Variants in BICD1 observed in about 807,000 individuals in gnomAD.
BICD1 encodes BICD cargo adaptor 1.
A neutral mutation model predicts 92.5 loss-of-function variants in BICD1; 35 were observed. The ratio of observed to expected loss-of-function variants is 0.38; its 90% CI spans 0.29 to 0.50. The LOEUF is 0.50. Among genes scored for constraint, BICD1 ranks in the 20% least tolerant of loss-of-function variants. The pLI is 0.93. For synonymous variants in BICD1, 429 were observed against 465.1 expected, an observed-to-expected ratio of 0.92 and a Z score of 1.00; for missense variants, 950 against 1,189.8, an observed-to-expected ratio of 0.80 and a Z score of 2.97.
At chr12:32,239,565 G>A (rs192519892) in intron 2 of BICD1, among the ~76,000 whole-genome samples, 2 of 150,070 alleles carry the variant, frequency 1.3e-5, no homozygotes, top group East Asian at 4.0e-4. Context: ...GTGCGATCTC[G>A]GCTCACGATC....
intron 1 of BICD1, among the ~76,000 whole-genome samples, chr12:32,154,908 T>C (rs573238394): frequency 2.6e-4 from 39 of 152,312 alleles, no homozygotes; most frequent in Admixed American, 9.1e-4. Flanking sequence ...CTGTATCCAA[T>C]TAAAATGATC....
chr12:32,197,161 A>G (rs1388219296), intron 1 of BICD1, among the ~76,000 whole-genome samples: 1 of 151,940 alleles, frequency 6.6e-6, no homozygotes, highest in Non-Finnish European at 1.5e-5. Context: ...GGCATACTTC[A>G]CCATGCCCAA....
chr12:32,363,420 T>C (rs970157619), intron 8 of BICD1, among the ~76,000 whole-genome samples: 1 of 152,224 alleles, frequency 6.6e-6, no homozygotes, highest in Non-Finnish European at 1.5e-5. Flanking sequence ...GAGTATGCTA[T>C]GACATTTCCC....
intron 2 of BICD1, among the ~76,000 whole-genome samples, chr12:32,248,807 G>T (rs981515034): frequency 1.3e-5 from 2 of 152,144 alleles, no homozygotes; most frequent in Admixed American, 1.3e-4. Flanking sequence ...AGCAAAGAGG[G>T]GGGTCTGGAA....
intron 4 of BICD1, among the ~76,000 whole-genome samples, chr12:32,316,293 T>A (rs1592661671): frequency 6.6e-6 from 1 of 151,272 alleles, no homozygotes; most frequent in East Asian, 1.9e-4. Flanking sequence ...TTTCTTTTTT[T>A]TTTTCTTTTT....
At chr12:32,335,301 C>T (rs1938060795) in intron 6 of BICD1, among the ~76,000 whole-genome samples, 1 of 152,068 alleles carries the variant, frequency 6.6e-6, no homozygotes, top group Non-Finnish European at 1.5e-5. Flanking sequence ...CAGGCACCTG[C>T]CACCACGCCC....
intron 1 of BICD1, among the ~76,000 whole-genome samples, chr12:32,214,048 T>C (rs1437688778): frequency 1.3e-5 from 2 of 152,366 alleles, no homozygotes; most frequent in African/African-American, 2.4e-5. Flanking sequence ...TTTATTGATT[T>C]ATTATGTTAA....
intron 1 of BICD1, among the ~76,000 whole-genome samples, chr12:32,176,724 G>A (rs546013708): frequency 6.6e-6 from 1 of 152,260 alleles, no homozygotes; most frequent in Admixed American, 6.5e-5. Context: ...TTTCATCAGT[G>A]TTATTGTGTT....
intron 1 of BICD1, among the ~76,000 whole-genome samples, chr12:32,126,983 C>T (rs1942369133): frequency 6.6e-6 from 1 of 151,988 alleles, no homozygotes. Context: ...GCTCATTTAC[C>T]ATTGGATTGT....
At chr12:32,238,300 G>T (rs1282979500) in intron 2 of BICD1, among the ~76,000 whole-genome samples, 1 of 152,136 alleles carries the variant, frequency 6.6e-6, no homozygotes, top group Non-Finnish European at 1.5e-5. Flanking sequence ...GAAATAGCAA[G>T]AGAACTAGCA....
chr12:32,176,692 C>A (rs1335234215), intron 1 of BICD1, among the ~76,000 whole-genome samples: 1 of 152,174 alleles, frequency 6.6e-6, no homozygotes, highest in African/African-American at 2.4e-5. Context: ...TGTCTTCTTT[C>A]ACTCATCGTA....
intron 1 of BICD1, chr12:32,108,947 T>A: frequency 2.7e-6 from 1 of 368,516 alleles, no homozygotes; most frequent in Non-Finnish European, 4.9e-6. Flanking sequence ...TGCTAAACCT[T>A]GTGAAGTGAG....
chr12:32,303,367 G>C (rs1251844053), intron 3 of BICD1, among the ~76,000 whole-genome samples: 2 of 152,184 alleles, frequency 1.3e-5, no homozygotes, highest in Non-Finnish European at 2.9e-5. Context: ...TTTATGAGTT[G>C]CATCCTATTA....
At chr12:32,116,476 C>G (rs927623311) in intron 1 of BICD1, among the ~76,000 whole-genome samples, 153 of 106,398 alleles carry the variant, frequency 1.4e-3, no homozygotes, top group Middle Eastern at 0.011. Flanking sequence ...CTCTCTCTCT[C>G]TCTCTCTCTC....
At chr12:32,319,506 G>C (rs1348587206) in intron 4 of BICD1, among the ~76,000 whole-genome samples, 1 of 152,116 alleles carries the variant, frequency 6.6e-6, no homozygotes, top group African/African-American at 2.4e-5. Flanking sequence ...ATATTCATAA[G>C]AGGTCTTGGT....
At chr12:32,174,032 T>C (rs890502488) in intron 1 of BICD1, among the ~76,000 whole-genome samples, 2 of 152,178 alleles carry the variant, frequency 1.3e-5, no homozygotes, top group South Asian at 2.1e-4. Flanking sequence ...ATGACAGAAA[T>C]GAAAAGCTGT....
chr12:32,261,677 C>T (rs1946863632), intron 2 of BICD1, among the ~76,000 whole-genome samples: 1 of 152,130 alleles, frequency 6.6e-6, no homozygotes, highest in Non-Finnish European at 1.5e-5. Context: ...GTGTTGTTTC[C>T]TGGAAGAGAT....
intron 1 of BICD1, among the ~76,000 whole-genome samples, chr12:32,170,267 T>A (rs142218684): frequency 1.3e-5 from 2 of 152,370 alleles, no homozygotes; most frequent in East Asian, 3.9e-4. Context: ...TTTTCTCTGT[T>A]CCTTACCTGT....
At chr12:32,237,604 T>A (rs12319221) in intron 2 of BICD1, among the ~76,000 whole-genome samples, 103 of 152,198 alleles carry the variant, frequency 6.8e-4, no homozygotes, top group Middle Eastern at 3.4e-3. Context: ...CATTGAACAT[T>A]CTAAAAATCC....
Sources: gnomAD v4.1 joint callset for allele counts (sites outside exome capture counted in the v4.1 genomes callset) on GRCh38, gnomAD v4.1.1 for gene constraint, MANE v1.5 for transcripts, NCBI Gene and HGNC (gene_info 2026-07-23, HGNC 2026-07-21) for gene names.